Variants in SMCHD1 observed in about 807,000 individuals in gnomAD.
SMCHD1 encodes the protein structural maintenance of chromosomes flexible hinge domain containing 1.
SMCHD1 carries 78 observed loss-of-function variants against 254.7 expected under a neutral mutation model. That is an observed-to-expected ratio of 0.31 (90% CI 0.26 to 0.37). The LOEUF (loss-of-function observed/expected upper bound fraction) is 0.37, where lower values mean the gene tolerates loss of function less well. Among genes scored for constraint, SMCHD1 ranks in the 10% least tolerant of loss-of-function variants. The probability of loss-of-function intolerance (pLI) is 1.00; values close to 1 mark genes in which losing one functional copy is unlikely to be tolerated. For synonymous variants in SMCHD1, 766 were observed against 794.9 expected (o/e 0.96, Z 0.61); for missense variants, 1,840 against 2,408.1 (o/e 0.76, Z 4.94).
In SMCHD1 at chr18:2,724,880, A is replaced by G. The variant is rs150461391; in HGVS notation, c.2604-19A>G. ...TGTAGGCAATTGAGGGGAGTTAAAAAATAATTTTTTTTCCCCAGTGGTTTA... is the reference window on the plus strand; with the variant it reads ...TGTAGGCAATTGAGGGGAGTTAAAAGATAATTTTTTTTCCCCAGTGGTTTA... On this transcript the variant is annotated intron_variant, in intron 20 of 47. Coordinates refer to ENST00000320876, the MANE Select transcript of SMCHD1 (RefSeq NM_015295.3). The G allele has an allele frequency of 3.4e-5, 51 of 1,495,476 alleles. No homozygotes were observed. Among genetic ancestry groups the G allele is most frequent in the Non-Finnish European group, 4.3e-5 (47 of 1,101,274 alleles). The allele number at this position is 1,495,476 out of a possible 1,614,324, so 92.6% of individuals were successfully genotyped here.
chr18:2,742,983 A>G (rs1326218509), intron 28 of SMCHD1, among the ~76,000 whole-genome samples: 1 of 152,136 alleles, frequency 6.6e-6, no homozygotes. Context: ...CTGATTTTAA[A>G]ATTTTGCTGA....
intron 17 of SMCHD1, among the ~76,000 whole-genome samples, chr18:2,712,682 C>T (rs1466356731): frequency 6.6e-6 from 1 of 152,214 alleles, no homozygotes; most frequent in Non-Finnish European, 1.5e-5. Flanking sequence ...AAGTCCGAGT[C>T]ATCATGGTCT....
chr18:2,771,722 G>A, intron 40 of SMCHD1, 104 bp downstream of exon 40: 14 of 887,714 alleles, frequency 1.6e-5, no homozygotes, highest in South Asian at 5.0e-5. Context: ...GTTGTTTTAG[G>A]GTACAAAGAC....
chr18:2,742,753 T>A (rs1158313495), intron 28 of SMCHD1, among the ~76,000 whole-genome samples: 1 of 152,154 alleles, frequency 6.6e-6, no homozygotes, highest in African/African-American at 2.4e-5. Flanking sequence ...TATGGCTCAC[T>A]GTAGCTTCAA....
intron 36 of SMCHD1, among the ~76,000 whole-genome samples, chr18:2,762,492 CTTT>C (rs10708453): frequency 1.3e-4 from 17 of 126,818 alleles, no homozygotes; most frequent in Admixed American, 2.5e-4. Context: ...ATCTGCCTAC[CTTT>C]TTTTTTTTTT....
At chr18:2,785,094 C>T (rs2076217879) in intron 45 of SMCHD1, 4 of 264,776 alleles carry the variant, frequency 1.5e-5, no homozygotes, top group South Asian at 1.4e-4. Flanking sequence ...GATCTCCTGC[C>T]CCTTTTTCCC....
chr18:2,728,323 A>G, intron 22 of SMCHD1, 134 bp from the exon 23 acceptor site: 1 of 822,964 alleles, frequency 1.2e-6, no homozygotes, highest in Non-Finnish European at 1.9e-6. Flanking sequence ...AAGCATGGAC[A>G]TTGCCTATAT....
intron 3 of SMCHD1, among the ~76,000 whole-genome samples, chr18:2,668,819 C>A (rs2073512850): frequency 6.6e-6 from 1 of 152,080 alleles, no homozygotes; most frequent in South Asian, 2.1e-4. Context: ...ATTTTCAGTT[C>A]TAATTTTTCT....
intron 47 of SMCHD1, among the ~76,000 whole-genome samples, chr18:2,801,982 G>A (rs1448002078): frequency 4.1e-5 from 6 of 145,764 alleles, no homozygotes; most frequent in Non-Finnish European, 9.1e-5. Flanking sequence ...TTAAAAATTA[G>A]TTCTGTTAAA....
At chr18:2,661,452 A>AAAC (rs2073250447) in intron 1 of SMCHD1, among the ~76,000 whole-genome samples, 1 of 152,112 alleles carries the variant, frequency 6.6e-6, no homozygotes, top group Admixed American at 6.5e-5. Context: ...ATGGATTAGA[A>AAAC]ATCTGTGGGT....
chr18:2,732,143 A>G (rs2075153491), intron 24 of SMCHD1, 122 bp from the exon 25 acceptor site: 3 of 689,814 alleles, frequency 4.3e-6, no homozygotes, highest in South Asian at 4.4e-5. Flanking sequence ...CATCTTAATG[A>G]CAAAACCTGT....
intron 19 of SMCHD1, among the ~76,000 whole-genome samples, chr18:2,719,293 CTCTTT>C (rs1042207024): frequency 1.3e-4 from 20 of 150,462 alleles, no homozygotes; most frequent in African/African-American, 4.4e-4. Context: ...CCCCTCTCCC[CTCTTT>C]TCTTTTCTTT....
chr18:2,699,542 G>A (rs62084216), intron 10 of SMCHD1, among the ~76,000 whole-genome samples: 28,156 of 152,042 alleles, frequency 0.19, 2,868 homozygotes, highest in South Asian at 0.27. Flanking sequence ...GTTTTGTCAT[G>A]TTGCCAAGGG....
intron 24 of SMCHD1, among the ~76,000 whole-genome samples, chr18:2,731,256 A>G (rs1176343432): frequency 6.6e-6 from 1 of 152,248 alleles, no homozygotes; most frequent in Non-Finnish European, 1.5e-5. Flanking sequence ...AAGTAAGATT[A>G]TAAAGGTATT....
At chr18:2,768,017 T>C (rs1043928887) in intron 37 of SMCHD1, among the ~76,000 whole-genome samples, 3 of 152,212 alleles carry the variant, frequency 2.0e-5, no homozygotes, top group Non-Finnish European at 4.4e-5. Context: ...TACAGTATTA[T>C]AATCTTTTGG....
intron 37 of SMCHD1, among the ~76,000 whole-genome samples, chr18:2,767,629 A>C (rs1215630694): frequency 8.7e-6 from 1 of 114,696 alleles, no homozygotes; most frequent in African/African-American, 3.4e-5. Context: ...TTGCTCTGTC[A>C]CCCAGGCTGG....
At chr18:2,751,842 AAAT>A (rs2075578873) in intron 33 of SMCHD1, among the ~76,000 whole-genome samples, 1 of 152,150 alleles carries the variant, frequency 6.6e-6, no homozygotes, top group Non-Finnish European at 1.5e-5. Context: ...AGCTAAAAAG[AAAT>A]AAGTAAAATT....
In SMCHD1 at chr18:2,740,555, A is replaced by G. The variant is rs559218551; in HGVS notation, c.3515-148A>G. 8 of 389,468 alleles carry G rather than the reference A, an allele frequency of 2.1e-5. No individual in the cohort carries two copies. The South Asian group carries it at 9.3e-4, about 45-fold the overall frequency. The allele number at this position is 389,468 out of a possible 1,614,324, so 24.1% of individuals were successfully genotyped here. On this transcript the variant is annotated intron_variant, in intron 27 of 47. Transcript: ENST00000320876. ...GATGTTTATTTTGTCGTGAATTTAA[A>G]AAATGAGTATAATTATTATTTTTGT...
At position 2,802,803 on chromosome 18, in the gene SMCHD1, C is replaced by T. The variant is rs143290440; in HGVS notation, c.*251C>T. The T allele has an allele frequency of 9.3e-5, 35 of 376,662 alleles. No homozygotes were observed. The East Asian group carries it at 1.2e-3, about 13-fold the overall frequency. The allele number at this position is 376,662 out of a possible 1,614,324, so 23.3% of individuals were successfully genotyped here. A position where few individuals can be genotyped will look rare whatever the true frequency, so the allele number is the denominator to read the frequency against. Reference sequence around the variant, plus strand: ...ATGCCCTTTGGTTGTCACTACCTTGCAAATGTGTAAGAGGAAAATGTGCTA... The same window carrying T: ...ATGCCCTTTGGTTGTCACTACCTTGTAAATGTGTAAGAGGAAAATGTGCTA... On this transcript the variant is annotated 3_prime_UTR_variant, in exon 48 of 48. Transcript: ENST00000320876.
Sources: allele counts gnomAD v4.1 joint callset (sites outside exome capture counted in the v4.1 genomes callset), GRCh38; gene constraint gnomAD v4.1.1; transcripts MANE v1.5; gene names NCBI Gene and HGNC (gene_info 2026-07-23, HGNC 2026-07-21).